STAB2: variants seen among roughly 807,000 people sequenced by gnomAD.
The protein encoded by STAB2 is stabilin-2.
STAB2 carries 288 observed loss-of-function variants against 338.1 expected under a neutral mutation model. That is an observed-to-expected ratio of 0.85 (90% CI 0.77 to 0.94). STAB2 has a LOEUF of 0.94. STAB2 is among the 40% of genes least tolerant of loss of function. The pLI is 0.00. For synonymous variants in STAB2, 1,202 were observed against 1,193.3 expected, an observed-to-expected ratio of 1.01 and a Z score of -0.15; for missense variants, 3,141 against 3,210.1, an observed-to-expected ratio of 0.98 and a Z score of 0.52.
Position 103,589,751 on chromosome 12 carries a change from C to T in STAB2, c.82-1146C>T, listed in dbSNP as rs149310729. ...GTTCAGCAGCCCAGTGAGAACATGG[C>T]AGTTAGGAGAGGAAACAGGCACAAA... On this transcript the variant is annotated intron_variant, in intron 1 of 68. Transcript: ENST00000388887. 2.2e-3 allele frequency among the ~76,000 whole-genome samples: 330 copies of T among 152,240 alleles called. 2 individuals carry two copies. The highest frequency in any genetic ancestry group is 7.5e-3 in the African/African-American group (311 of 41,540).
In STAB2 at chr12:103,638,218, C is replaced by T; in HGVS notation, c.906+6C>T. The stretch of plus-strand genomic sequence containing the variant: ...AATATGATGGGCCTGGACAGGTGAG[C>T]AAATGATGCAGGGAACTGATGTATC... On this transcript the variant is annotated splice_donor_region_variant and intron_variant, in intron 8 of 68. Coordinates refer to ENST00000388887, the MANE Select transcript of STAB2 (RefSeq NM_017564.10). 6.2e-7 allele frequency: 1 copy of T among 1,610,494 alleles called. No homozygotes were observed. Among genetic ancestry groups the T allele is most frequent in the Non-Finnish European group, 8.5e-7 (1 of 1,177,990 alleles).
In STAB2 at chr12:103,748,605, T is replaced by TACAC. The variant is rs71097994; in HGVS notation, c.6245-307_6245-304dup. Among the ~76,000 whole-genome samples the TACAC allele has an allele frequency of 3.9e-3, 551 of 141,750 alleles. 9 individuals carry two copies. The highest frequency in any genetic ancestry group is 5.5e-3 in the Non-Finnish European group (354 of 64,158). The allele number at this position is 141,750 out of a possible 152,430, so 93.0% of individuals were successfully genotyped here. A position where few individuals can be genotyped will look rare whatever the true frequency, so the allele number is the denominator to read the frequency against. On this transcript the variant is annotated intron_variant, in intron 58 of 68. Coordinates refer to ENST00000388887, the MANE Select transcript of STAB2 (RefSeq NM_017564.10). ...TACACCACACACACACACACACACA[T>TACAC]ACACACACACACACACACACACACA...
rs758430862 is a variant in STAB2 at position 103,640,076 on chromosome 12, GTAAC to G, written c.907-40_907-37del. On this transcript the variant is annotated intron_variant, in intron 8 of 68. Transcript: ENST00000388887. ...AAATTAAAGAAGAATGCCAGCTGAA[GTAAC>G]TAACTAGGATCCTATTTGTTTTTCT... 8.4e-6 allele frequency: 13 copies of G among 1,553,704 alleles called. No individual in the cohort carries two copies. In the Admixed American group the frequency reaches 1.7e-4, roughly 20 times the overall value.
intron 25 of STAB2, among the ~76,000 whole-genome samples, chr12:103,682,538 G>A (rs1036622387): frequency 7.9e-5 from 12 of 152,190 alleles, no homozygotes; most frequent in Non-Finnish European, 1.8e-4. Context: ...TCTCCACCAA[G>A]TGGATACCCC....
intron 21 of STAB2, among the ~76,000 whole-genome samples, chr12:103,670,225 G>C (rs1238395064): frequency 6.6e-6 from 1 of 152,196 alleles, no homozygotes; most frequent in East Asian, 1.9e-4. Context: ...AATGACTGCG[G>C]CCAGGGGTTA....
chr12:103,611,750 G>A (rs1957126230), intron 3 of STAB2, among the ~76,000 whole-genome samples: 1 of 152,158 alleles, frequency 6.6e-6, no homozygotes, highest in Non-Finnish European at 1.5e-5. Context: ...TGGTTATTTT[G>A]CTCGTTAGTT....
intron 46 of STAB2, among the ~76,000 whole-genome samples, chr12:103,726,629 CCATCA>C (rs2139060956): frequency 6.6e-6 from 1 of 152,212 alleles, no homozygotes; most frequent in East Asian, 1.9e-4. Context: ...GAAAAGACTC[CCATCA>C]CACTGGTAGA....
At position 103,679,434 on chromosome 12, in the gene STAB2, G is replaced by A. The variant is rs539140920; in HGVS notation, c.2805+1823G>A. Among the ~76,000 whole-genome samples, 8 of 152,198 alleles carry A rather than the reference G, an allele frequency of 5.3e-5. No individual in the cohort carries two copies. The South Asian group carries it at 1.7e-3, about 32-fold the overall frequency. On this transcript the variant is annotated intron_variant, in intron 25 of 68. Transcript: ENST00000388887. ...AAGGGTTAAAAAGTGGAACTGCTTA[G>A]CTAACAGCATGGCATGCTCTCACCC...
intron 54 of STAB2, 93 bp downstream of exon 54, chr12:103,739,561 G>GCCCA: frequency 4.8e-6 from 4 of 830,270 alleles, no homozygotes; most frequent in Non-Finnish European, 6.9e-6. Flanking sequence ...GTGTGTGTGT[G>GCCCA]TGTGTGTGTG....
chr12:103,755,564 T>C, intron 62 of STAB2, 48 bp from the exon 63 acceptor site: 1 of 1,612,296 alleles, frequency 6.2e-7, no homozygotes, highest in Non-Finnish European at 8.5e-7. Flanking sequence ...AGTGCAGCCC[T>C]GGCCCCTGCC....
chr12:103,724,251 G>A (rs936646349), intron 44 of STAB2, among the ~76,000 whole-genome samples: 1 of 152,192 alleles, frequency 6.6e-6, no homozygotes, highest in African/African-American at 2.4e-5. Context: ...AGGTAGTGGA[G>A]GAAAACAGCT....
chr12:103,587,309 A>G lies in STAB2; in HGVS notation c.-168A>G. Reference sequence around the variant, plus strand: ...TGGATTTGCCATTTTTCCTTTCTGAAGGCAGGTCTCACCTATCTCCTGGTT... The same window carrying G: ...TGGATTTGCCATTTTTCCTTTCTGAGGGCAGGTCTCACCTATCTCCTGGTT... On this transcript the variant is annotated 5_prime_UTR_variant, in exon 1 of 69. Transcript: ENST00000388887. 1.6e-6 allele frequency: 1 copy of G among 619,360 alleles called. No homozygotes were observed. Among genetic ancestry groups the G allele is most frequent in the South Asian group, 2.0e-5 (1 of 48,864 alleles). 38.4% of individuals were successfully genotyped at this position (619,360 alleles called of 1,614,324 possible).
chr12:103,695,150 C>T (rs1878287515), intron 31 of STAB2, among the ~76,000 whole-genome samples: 1 of 152,178 alleles, frequency 6.6e-6, no homozygotes, highest in Middle Eastern at 3.2e-3. Flanking sequence ...AGAATAAACA[C>T]ACGAATAACA....
intron 19 of STAB2, 115 bp from the exon 20 acceptor site, chr12:103,668,528 T>C: frequency 1.1e-6 from 1 of 949,548 alleles, no homozygotes; most frequent in South Asian, 1.5e-5. Context: ...CAGCACTCTC[T>C]CCTGACGTCA....
At chr12:103,691,167 G>T (rs893214151) in intron 30 of STAB2, among the ~76,000 whole-genome samples, 1 of 152,174 alleles carries the variant, frequency 6.6e-6, no homozygotes, top group Non-Finnish European at 1.5e-5. Context: ...GAGTCTGGCC[G>T]CCCTGCTGCA....
chr12:103,648,885 A>G, intron 10 of STAB2, 62 bp downstream of exon 10: 3 of 1,581,252 alleles, frequency 1.9e-6, no homozygotes, highest in Non-Finnish European at 2.6e-6. Context: ...GGCATCTGCA[A>G]GATACAATGA....
intron 47 of STAB2, among the ~76,000 whole-genome samples, chr12:103,727,638 A>T (rs1881316079): frequency 6.6e-6 from 1 of 152,224 alleles, no homozygotes. Flanking sequence ...CCTCCTATAG[A>T]CAAAAAACAG....
intron 9 of STAB2, among the ~76,000 whole-genome samples, chr12:103,642,702 C>T (rs1471487467): frequency 6.6e-6 from 1 of 152,188 alleles, no homozygotes; most frequent in Non-Finnish European, 1.5e-5. Flanking sequence ...GCTGGCTACT[C>T]CAGGGCAAGG....
intron 28 of STAB2, among the ~76,000 whole-genome samples, chr12:103,689,494 GAA>G (rs11315983): frequency 1.3e-4 from 19 of 145,342 alleles, no homozygotes; most frequent in East Asian, 6.0e-4. Context: ...AAAAAAAAAA[GAA>G]AAAAAAAAAT....
Sources: allele counts gnomAD v4.1 joint callset (sites outside exome capture counted in the v4.1 genomes callset), GRCh38; gene constraint gnomAD v4.1.1; transcripts MANE v1.5; gene names NCBI Gene and HGNC (gene_info 2026-07-23, HGNC 2026-07-21).